The following PRKG1 variants were observed in gnomAD, a reference collection of about 807,000 sequenced individuals.
PRKG1 encodes cGMP-dependent protein kinase 1.
Under a neutral mutation model 88.1 loss-of-function variants are expected in PRKG1, and 35 were observed. The ratio of observed to expected loss-of-function variants is 0.40; its 90% CI spans 0.30 to 0.53. The LOEUF (loss-of-function observed/expected upper bound fraction) is 0.53, where lower values mean the gene tolerates loss of function less well. Ranked by LOEUF, PRKG1 falls within the 20% of genes least tolerant of loss-of-function variation. The probability of loss-of-function intolerance (pLI) is 0.59; values close to 1 mark genes in which losing one functional copy is unlikely to be tolerated. For missense variants in PRKG1, 540 were observed against 839.8 expected, an observed-to-expected ratio of 0.64 and a Z score of 4.41; for synonymous variants, 303 against 292.5, an observed-to-expected ratio of 1.04 and a Z score of -0.37.
Position 51,151,886 on chromosome 10 carries a change from C to T in PRKG1, c.312-1278C>T, listed in dbSNP as rs78562537. 0.011 allele frequency among the ~76,000 whole-genome samples: 1,614 copies of T among 152,114 alleles called. 94 individuals carry two copies. In the East Asian group the frequency reaches 0.17, roughly 16 times the overall value. ...CCCAGAAATGGGGAGGGAAGACTAA[C>T]GCTTTAGTCAGTGTTCACTACCGCA... On this transcript the variant is annotated intron_variant, in intron 1 of 17. Coordinates refer to ENST00000373980, the MANE Select transcript of PRKG1 (RefSeq NM_006258.4).
intron 2 of PRKG1, among the ~76,000 whole-genome samples, chr10:51,434,380 T>C (rs908188317): frequency 1.3e-5 from 2 of 152,150 alleles, no homozygotes; most frequent in East Asian, 3.9e-4. Flanking sequence ...ATGGCATTTT[T>C]CTGGCATTGA....
intron 3 of PRKG1, among the ~76,000 whole-genome samples, chr10:51,687,776 C>T (rs747045139): frequency 1.3e-5 from 2 of 152,044 alleles, no homozygotes. Context: ...ATGTTTCTAC[C>T]AATTCAATAC....
At chr10:51,158,666 T>C (rs1262750304) in intron 2 of PRKG1, among the ~76,000 whole-genome samples, 7 of 152,020 alleles carry the variant, frequency 4.6e-5, no homozygotes, top group Admixed American at 6.6e-5. Context: ...TTTTTTCTTA[T>C]TGAAAGAATG....
chr10:52,096,859 T>G (rs937377461), intron 7 of PRKG1, among the ~76,000 whole-genome samples: 4 of 152,208 alleles, frequency 2.6e-5, no homozygotes, highest in African/African-American at 9.6e-5. Flanking sequence ...TGGATTCTAC[T>G]ACAATGTAAT....
At chr10:52,157,288 A>T (rs1838137679) in intron 8 of PRKG1, among the ~76,000 whole-genome samples, 2 of 138,010 alleles carry the variant, frequency 1.4e-5, no homozygotes. Context: ...ACATATATAT[A>T]TTGTGTGTGA....
intron 2 of PRKG1, chr10:51,320,355 TG>T: frequency 6.0e-6 from 1 of 165,484 alleles, no homozygotes. Flanking sequence ...CTAGGGAAAC[TG>T]GGGAGTTTAC....
intron 2 of PRKG1, among the ~76,000 whole-genome samples, chr10:51,211,592 T>A (rs1322114992): frequency 6.6e-6 from 1 of 152,158 alleles, no homozygotes. Flanking sequence ...AAAATCTCCT[T>A]AAGCTGATAA....
chr10:51,585,492 A>C (rs4935267), intron 3 of PRKG1, among the ~76,000 whole-genome samples: 1 of 152,194 alleles, frequency 6.6e-6, no homozygotes, highest in South Asian at 2.1e-4. Context: ...GATGGCTTAA[A>C]GTTATCTAAG....
intron 7 of PRKG1, among the ~76,000 whole-genome samples, chr10:52,069,975 A>G (rs1041261531): frequency 1.4e-4 from 21 of 151,944 alleles, no homozygotes; most frequent in African/African-American, 5.1e-4. Flanking sequence ...TAATATGTAT[A>G]TTTAACATGT....
At chr10:51,944,433 GT>G (rs558475116) in intron 5 of PRKG1, among the ~76,000 whole-genome samples, 1 of 151,916 alleles carries the variant, frequency 6.6e-6, no homozygotes, top group African/African-American at 2.4e-5. Context: ...TTTTTGAAGG[GT>G]TTTTTGTATC....
At chr10:51,818,280 A>G (rs1839645013) in intron 4 of PRKG1, among the ~76,000 whole-genome samples, 1 of 152,182 alleles carries the variant, frequency 6.6e-6, no homozygotes, top group African/African-American at 2.4e-5. Context: ...TGTCTCACTG[A>G]TAACAGTTCA....
intron 2 of PRKG1, among the ~76,000 whole-genome samples, chr10:51,327,346 G>A (rs78498813): frequency 6.6e-6 from 1 of 151,386 alleles, no homozygotes; most frequent in African/African-American, 2.4e-5. Context: ...GAACTCGGGA[G>A]GCAGAGGTCT....
At chr10:51,077,882 T>C (rs1178732264) in intron 1 of PRKG1, among the ~76,000 whole-genome samples, 1 of 152,216 alleles carries the variant, frequency 6.6e-6, no homozygotes, top group African/African-American at 2.4e-5. Flanking sequence ...AATAAACCCT[T>C]AAAATGAAAA....
chr10:51,150,942 A>C (rs1846057034), intron 1 of PRKG1, among the ~76,000 whole-genome samples: 1 of 151,964 alleles, frequency 6.6e-6, no homozygotes, highest in South Asian at 2.1e-4. Context: ...GCTAATTATA[A>C]TTATGTTCTT....
intron 5 of PRKG1, among the ~76,000 whole-genome samples, chr10:51,989,082 A>G (rs989810434): frequency 2.0e-5 from 3 of 152,200 alleles, no homozygotes; most frequent in East Asian, 1.9e-4. Context: ...GATGAGCACA[A>G]AAGTGTGTAA....
At chr10:52,138,028 A>T (rs1312944673) in intron 8 of PRKG1, among the ~76,000 whole-genome samples, 1 of 152,090 alleles carries the variant, frequency 6.6e-6, no homozygotes, top group Non-Finnish European at 1.5e-5. Flanking sequence ...GGAAATTAAG[A>T]TTTAAATTAT....
rs147117702 is a variant in PRKG1, at chr10:51,003,252, G to A, written c.266+11608G>A. Among the ~76,000 whole-genome samples the A allele has an allele frequency of 9.7e-3, 1,473 of 152,254 alleles. 9 individuals carry two copies. Among genetic ancestry groups the A allele is most frequent in the Non-Finnish European group, 0.015 (1,004 of 68,020 alleles). Reference sequence around the variant, plus strand: ...ATTGGACATAGTGAAGCAAGCAATAGACAGTAATATCTTTTATTTTCTCTG... The same window carrying A: ...ATTGGACATAGTGAAGCAAGCAATAAACAGTAATATCTTTTATTTTCTCTG... On this transcript the variant is annotated intron_variant, in intron 1 of 17. Transcript: ENST00000401604.
intron 3 of PRKG1, among the ~76,000 whole-genome samples, chr10:51,616,987 CT>C (rs1264791351): frequency 5.3e-5 from 8 of 152,156 alleles, no homozygotes; most frequent in African/African-American, 1.9e-4. Flanking sequence ...TGGCAGGGCT[CT>C]AAAATGGTGC....
chr10:51,701,040 CCCA>C lies in PRKG1; in HGVS notation c.593-103544_593-103542del, dbSNP rs545204346. The stretch of plus-strand genomic sequence containing the variant: ...TCAAATACAAAAAAAGTAAAAATAG[CCCA>C]TCAATTTTATATTTTTTATAAGTCG... On this transcript the variant is annotated intron_variant, in intron 3 of 17. Transcript: ENST00000373980. Among the ~76,000 whole-genome samples the C allele has an allele frequency of 1.5e-3, 232 of 152,012 alleles. 1 individual carries two copies. Among genetic ancestry groups the C allele is most frequent in the African/African-American group, 5.4e-3 (223 of 41,478 alleles).
Sources: allele counts gnomAD v4.1 joint callset (sites outside exome capture counted in the v4.1 genomes callset), GRCh38; gene constraint gnomAD v4.1.1; transcripts MANE v1.5; gene names NCBI Gene and HGNC (gene_info 2026-07-23, HGNC 2026-07-21).